MOCOS: variants seen among roughly 807,000 people sequenced by gnomAD.
MOCOS encodes the protein human molybdenum cofactor sulfurase.
In MOCOS, 86 loss-of-function variants were observed where a neutral mutation model predicts 83.6. That is an observed-to-expected ratio of 1.03 (90% CI 0.86 to 1.23). MOCOS has a LOEUF of 1.23. Among genes scored for constraint, MOCOS ranks in the 50% most tolerant of loss-of-function variants. The pLI is 0.00. For synonymous variants in MOCOS, 445 were observed against 434.7 expected (o/e 1.02, Z -0.29); for missense variants, 1,120 against 1,126.9 (o/e 0.99, Z 0.09).
rs2091694450 is a variant in MOCOS at position 36,270,098 on chromosome 18, A to T, written c.*1413A>T. 6.6e-6 allele frequency: 1 copy of T among 151,954 alleles called. No homozygotes were observed. The highest frequency in any genetic ancestry group is 2.4e-5 in the African/African-American group (1 of 41,350). 9.4% of individuals were successfully genotyped at this position (151,954 alleles called of 1,614,324 possible). A position where few individuals can be genotyped will look rare whatever the true frequency, so the allele number is the denominator to read the frequency against. ...GTTAAGGGTAAAAAGTACAACTCTG[A>T]CTCTGGTTCCTGAGATCACCGAAAG... On this transcript the variant is annotated 3_prime_UTR_variant, in exon 15 of 15. Coordinates refer to ENST00000261326, the MANE Select transcript of MOCOS (RefSeq NM_017947.4).
At chr18:36,259,524 A>G (rs1029400449) in intron 12 of MOCOS, among the ~76,000 whole-genome samples, 1 of 148,118 alleles carries the variant, frequency 6.8e-6, no homozygotes. Flanking sequence ...AGGAAATACT[A>G]TCTTCTTTAT....
chr18:36,225,641 G>A (rs1287956774), intron 9 of MOCOS, among the ~76,000 whole-genome samples: 1 of 151,980 alleles, frequency 6.6e-6, no homozygotes, highest in Non-Finnish European at 1.5e-5. Flanking sequence ...GTAAAATTAG[G>A]TTGTTTGAGA....
At chr18:36,203,012 C>A in intron 4 of MOCOS, 101 bp from the exon 5 acceptor site, 1 of 1,181,208 alleles carries the variant, frequency 8.5e-7, no homozygotes, top group Non-Finnish European at 1.3e-6. Context: ...CAAACCACAT[C>A]AACAGCTAAG....
intron 9 of MOCOS, among the ~76,000 whole-genome samples, chr18:36,225,349 A>C (rs2091511396): frequency 6.6e-6 from 1 of 151,992 alleles, no homozygotes; most frequent in Non-Finnish European, 1.5e-5. Context: ...AGAGGGTTTC[A>C]CCATGTTGGC....
Position 36,200,208 on chromosome 18 carries a change from G to A in MOCOS, c.825G>A (p.Leu275=). The A allele has an allele frequency of 1.2e-6, 2 of 1,614,208 alleles. No homozygotes were observed. Among genetic ancestry groups the A allele is most frequent in the Admixed American group, 3.3e-5 (2 of 60,026 alleles). ...GGTTTCCTACAGGCCTGGGCGCTCTGCTGGTCCATAATCGTGCGGCTCCTC... is the reference window on the plus strand; with the variant it reads ...GGTTTCCTACAGGCCTGGGCGCTCTACTGGTCCATAATCGTGCGGCTCCTC... ...IFGFPTGLGA[L]LVHNRAAPLL... Residue 275 remains leucine, a synonymous_variant, in exon 4 of 15, where the codon CTG becomes CTA. Transcript: ENST00000261326.
Position 36,234,796 on chromosome 18 carries a change from A to G in MOCOS, c.1961-14126A>G, listed in dbSNP as rs531016153. 1.8e-4 allele frequency among the ~76,000 whole-genome samples: 27 copies of G among 152,298 alleles called. 1 individual carries two copies. The highest frequency in any genetic ancestry group is 1.6e-3 in the Admixed American group (24 of 15,284). On this transcript the variant is annotated intron_variant, in intron 9 of 14. Coordinates refer to ENST00000261326, the MANE Select transcript of MOCOS (RefSeq NM_017947.4). The stretch of plus-strand genomic sequence containing the variant: ...TAAATGGCCGGGGAAGCCTCAGGAA[A>G]CTTACAATTATGGTGGAAGGCAAAG...
intron 13 of MOCOS, among the ~76,000 whole-genome samples, chr18:36,266,314 T>G (rs551916385): frequency 1.3e-5 from 2 of 152,272 alleles, no homozygotes; most frequent in African/African-American, 4.8e-5. Context: ...TTTTGTATTT[T>G]TAGTAGAGAC....
In MOCOS at chr18:36,269,276, G is replaced by T; in HGVS notation, c.*591G>T. 6.4e-6 allele frequency: 1 copy of T among 156,340 alleles called. No homozygotes were observed. Among genetic ancestry groups the T allele is most frequent in the Admixed American group, 6.2e-5 (1 of 16,026 alleles). 9.7% of individuals were successfully genotyped at this position (156,340 alleles called of 1,614,324 possible). A position where few individuals can be genotyped will look rare whatever the true frequency, so the allele number is the denominator to read the frequency against. ...ACAGGCCAGCAATTCCTTTCCTGTT[G>T]CTTCCCATCCCTGGCCTCCGTCCTC... On this transcript the variant is annotated 3_prime_UTR_variant, in exon 15 of 15. Coordinates refer to ENST00000261326, the MANE Select transcript of MOCOS (RefSeq NM_017947.4).
chr18:36,257,800 A>C (rs2091648437), intron 12 of MOCOS, among the ~76,000 whole-genome samples: 1 of 152,172 alleles, frequency 6.6e-6, no homozygotes, highest in Non-Finnish European at 1.5e-5. Context: ...CCCTAACAGC[A>C]CTGTGAACTG....
Position 36,187,618 on chromosome 18 carries a change from G to T in MOCOS, c.79G>T (p.Ala27Ser). ...GSRDPSAPRLAYGYGPGSLRE... is the reference protein window; with the variant it reads ...GSRDPSAPRLSYGYGPGSLRE... ...CCGGGACCCGAGCGCACCGCGGCTA[G>T]CCTACGGCTACGGCCCGGGCAGCCT... Residue 27 changes from alanine to serine, a missense_variant, in exon 1 of 15, where the codon GCC becomes TCC. Coordinates refer to ENST00000261326, the MANE Select transcript of MOCOS (RefSeq NM_017947.4). The T allele has an allele frequency of 1.6e-6, 2 of 1,251,368 alleles. No homozygotes were observed. The highest frequency in any genetic ancestry group is 2.5e-4 in the Middle Eastern group (1 of 3,998). 77.5% of individuals were successfully genotyped at this position (1,251,368 alleles called of 1,614,324 possible). A position where few individuals can be genotyped will look rare whatever the true frequency, so the allele number is the denominator to read the frequency against.
At chr18:36,187,928 C>G (rs1338143824) in intron 1 of MOCOS, among the ~76,000 whole-genome samples, 1 of 152,254 alleles carries the variant, frequency 6.6e-6, no homozygotes, top group Admixed American at 6.5e-5. Flanking sequence ...CCGTCTTCCC[C>G]TTTTCCCGCC....
At chr18:36,254,801 A>C (rs2091635999) in intron 11 of MOCOS, among the ~76,000 whole-genome samples, 1 of 152,158 alleles carries the variant, frequency 6.6e-6, no homozygotes, top group African/African-American at 2.4e-5. Context: ...ATGTGTATAT[A>C]AATTGACATG....
intron 9 of MOCOS, among the ~76,000 whole-genome samples, chr18:36,228,679 G>C (rs111343655): frequency 2.7e-3 from 407 of 152,156 alleles, no homozygotes; most frequent in African/African-American, 9.3e-3. Context: ...GAGACCTACA[G>C]GAGGGTGGAG....
chr18:36,189,310 T>A (rs549509573), intron 1 of MOCOS, among the ~76,000 whole-genome samples: 15 of 152,276 alleles, frequency 9.9e-5, no homozygotes, highest in African/African-American at 3.4e-4. Flanking sequence ...GTTGTGGGCA[T>A]CTTTTATTTA....
intron 9 of MOCOS, among the ~76,000 whole-genome samples, chr18:36,241,558 G>A (rs1053075763): frequency 1.3e-5 from 2 of 152,192 alleles, no homozygotes; most frequent in African/African-American, 4.8e-5. Flanking sequence ...TAAGCTGTTG[G>A]TGGATCTATC....
intron 9 of MOCOS, among the ~76,000 whole-genome samples, chr18:36,226,238 C>T (rs1259264960): frequency 6.6e-6 from 1 of 152,026 alleles, no homozygotes; most frequent in Admixed American, 6.6e-5. Context: ...GTTATATACT[C>T]CTGGTGGATT....
chr18:36,198,826 GC>G (rs2091400679), intron 3 of MOCOS, 70 bp downstream of exon 3: 1 of 1,529,844 alleles, frequency 6.5e-7, no homozygotes, highest in African/African-American at 1.4e-5. Context: ...GGACTTGCCT[GC>G]ATCCCACAAA....
chr18:36,203,112 G>A lies in MOCOS; in HGVS notation c.942-1G>A, dbSNP rs773708623. On this transcript the variant is annotated splice_acceptor_variant, in intron 4 of 14. Coordinates refer to ENST00000261326, the MANE Select transcript of MOCOS (RefSeq NM_017947.4). LOFTEE classifies it high-confidence loss of function. ...CTGTTCTCCTTACCCCGTGGTTATA[G>A]GTTTGAAGATGGCACCATCTCATTC... 1.5e-5 allele frequency: 25 copies of A among 1,613,958 alleles called. No homozygotes were observed. In the African/African-American group the frequency reaches 2.5e-4, roughly 16 times the overall value.
At chr18:36,239,862 C>G (rs2091574292) in intron 9 of MOCOS, among the ~76,000 whole-genome samples, 1 of 151,930 alleles carries the variant, frequency 6.6e-6, no homozygotes, top group Admixed American at 6.6e-5. Flanking sequence ...CTAAATTTTC[C>G]TTCTTGCTTC....
Sources: gnomAD v4.1 joint callset for allele counts (sites outside exome capture counted in the v4.1 genomes callset) on GRCh38, gnomAD v4.1.1 for gene constraint, MANE v1.5 for transcripts, NCBI Gene and HGNC (gene_info 2026-07-23, HGNC 2026-07-21) for gene names.